Variants in CDC7 observed in about 807,000 individuals in gnomAD.
The protein encoded by CDC7 is cell division cycle 7, also known as cell division cycle 7-related protein kinase.
Under a neutral mutation model 53.5 loss-of-function variants are expected in CDC7, and 34 were observed. That is an observed-to-expected ratio of 0.64 (90% CI 0.48 to 0.85). The LOEUF (loss-of-function observed/expected upper bound fraction) is 0.85. Ranked by LOEUF, CDC7 falls within the 40% of genes least tolerant of loss-of-function variation. The pLI, the probability that CDC7 is intolerant of heterozygous loss-of-function variation, is 0.00. For missense variants in CDC7, 594 were observed against 679.7 expected, an observed-to-expected ratio of 0.87 and a Z score of 1.40; for synonymous variants, 211 against 222.8, an observed-to-expected ratio of 0.95 and a Z score of 0.47.
chr1:91,517,932 C>A (rs1005479105), intron 10 of CDC7, among the ~76,000 whole-genome samples: 1 of 151,598 alleles, frequency 6.6e-6, no homozygotes, highest in Non-Finnish European at 1.5e-5. Flanking sequence ...CCCGTCTCTA[C>A]TAAAAAGTAC....
chr1:91,522,513 A>G (rs1668012990), intron 11 of CDC7, among the ~76,000 whole-genome samples: 1 of 152,200 alleles, frequency 6.6e-6, no homozygotes, highest in African/African-American at 2.4e-5. Flanking sequence ...ATGTTGACTG[A>G]TAGTGTTACT....
At chr1:91,515,750 A>G in intron 9 of CDC7, 44 bp from the exon 10 acceptor site, 1 of 1,607,730 alleles carries the variant, frequency 6.2e-7, no homozygotes, top group Non-Finnish European at 8.5e-7. Flanking sequence ...AGACTTACAT[A>G]GTTCAACTTT....
chr1:91,521,712 C>T lies in CDC7; in HGVS notation c.1330+1433C>T, dbSNP rs577097470. ...CATGAAGTTTATCAGCCAATACCAA[C>T]ATATTTTATTGAAGAGCTTGAATCT... On this transcript the variant is annotated intron_variant, in intron 11 of 11. Transcript: ENST00000234626. Among the ~76,000 whole-genome samples, 12 of 152,228 alleles carry T rather than the reference C, an allele frequency of 7.9e-5. 1 individual carries two copies. The East Asian group carries it at 2.3e-3, about 29-fold the overall frequency.
chr1:91,517,583 T>G (rs1169616248), intron 10 of CDC7, among the ~76,000 whole-genome samples: 3 of 152,132 alleles, frequency 2.0e-5, no homozygotes, highest in Non-Finnish European at 4.4e-5. Context: ...AATAGAGATT[T>G]CCAGCAGAAT....
Position 91,511,691 on chromosome 1 carries a change from G to A in CDC7, c.429+1G>A. ...ATATCTGGAGCATGAGTCGTTTTTG[G>A]TAGGTTTTAATATTTCTTGAATTTT... On this transcript the variant is annotated splice_donor_variant, in intron 5 of 11. Transcript: ENST00000234626. LOFTEE classifies it high-confidence loss of function. The A allele has an allele frequency of 6.2e-7, 1 of 1,605,256 alleles. No individual in the cohort carries two copies. The highest frequency in any genetic ancestry group is 8.5e-7 in the Non-Finnish European group (1 of 1,173,542).
intron 4 of CDC7, among the ~76,000 whole-genome samples, chr1:91,508,811 A>G (rs1054246919): frequency 6.6e-6 from 1 of 152,170 alleles, no homozygotes; most frequent in Non-Finnish European, 1.5e-5. Context: ...CTGTCAACAT[A>G]TGGACATGAT....
chr1:91,505,117 G>C (rs1354589493), intron 2 of CDC7, among the ~76,000 whole-genome samples: 1 of 152,152 alleles, frequency 6.6e-6, no homozygotes, highest in Non-Finnish European at 1.5e-5. Context: ...GGTGGTGAAG[G>C]AGTGACCTGT....
At chr1:91,520,358 AT>A (rs1172076047) in intron 11 of CDC7, 79 bp downstream of exon 11, 6 of 1,187,838 alleles carry the variant, frequency 5.1e-6, no homozygotes, top group Non-Finnish European at 6.9e-6. Flanking sequence ...TTATTGTGAA[AT>A]TTTCTTTACA....
rs560542898 is a variant in CDC7 at position 91,513,187 on chromosome 1, C to T, written c.702C>T (p.Asn234=). The stretch of plus-strand genomic sequence containing the variant: ...ACAAATCCCACATAATCACAGGAAA[C>T]AAGATTCCACTGAGTGGCCCAGTAC... ...SQNKSHIITG[N]KIPLSGPVPK... is the part of the protein sequence containing the mutation. Residue 234 remains asparagine, a synonymous_variant, in exon 7 of 12, where the codon AAC becomes AAT. Transcript: ENST00000234626. The T allele has an allele frequency of 1.2e-6, 2 of 1,613,808 alleles. No individual in the cohort carries two copies. Among genetic ancestry groups the T allele is most frequent in the African/African-American group, 1.3e-5 (1 of 75,002 alleles).
Position 91,525,086 on chromosome 1 carries a change from C to T in CDC7, c.*651C>T, listed in dbSNP as rs991153669. 17 of 152,096 alleles carry T rather than the reference C, an allele frequency of 1.1e-4. No homozygotes were observed. The highest frequency in any genetic ancestry group is 4.1e-4 in the African/African-American group (17 of 41,414). The allele number at this position is 152,096 out of a possible 1,614,324, so 9.4% of individuals were successfully genotyped here. On this transcript the variant is annotated 3_prime_UTR_variant, in exon 12 of 12. Transcript: ENST00000234626. ...TCTCAATTTTCTTCCTTCTCTGCCC[C>T]TACCTAAAACATTCTCCTCGGAAAT... is the stretch of plus-strand genomic sequence containing the variant.
chr1:91,501,644 A>G lies in CDC7; in HGVS notation c.-63-10A>G, dbSNP rs1666686022. On this transcript the variant is annotated splice_polypyrimidine_tract_variant and intron_variant, in intron 1 of 11. Coordinates refer to ENST00000234626, the MANE Select transcript of CDC7 (RefSeq NM_003503.4). ...TGATCTAAATTTCTCTAGTGTTCTA[A>G]TTTTCACAGCTGCTTTGCTCCCCCT... is the stretch of plus-strand genomic sequence containing the variant. The G allele has an allele frequency of 9.2e-7, 1 of 1,085,776 alleles. No homozygotes were observed. The allele number at this position is 1,085,776 out of a possible 1,614,324, so 67.3% of individuals were successfully genotyped here. A position where few individuals can be genotyped will look rare whatever the true frequency, so the allele number is the denominator to read the frequency against.
chr1:91,512,062 A>T, intron 6 of CDC7, 139 bp downstream of exon 6: 1 of 641,192 alleles, frequency 1.6e-6, no homozygotes. Flanking sequence ...TATCTCAGTT[A>T]CCCATCTTAT....
At chr1:91,521,979 A>G (rs887916520) in intron 11 of CDC7, among the ~76,000 whole-genome samples, 1 of 152,078 alleles carries the variant, frequency 6.6e-6, no homozygotes, top group Non-Finnish European at 1.5e-5. Context: ...ATCCTGGCCA[A>G]CGTGGTGAAA....
At chr1:91,509,347 A>G (rs1436644306) in intron 4 of CDC7, among the ~76,000 whole-genome samples, 5 of 151,590 alleles carry the variant, frequency 3.3e-5, no homozygotes, top group Non-Finnish European at 7.4e-5. Flanking sequence ...CAAACCTAAA[A>G]GACAAACCTA....
chr1:91,523,894 C>CTGTGTGTGTG (rs56282166), intron 11 of CDC7, 147 bp from the exon 12 acceptor site: 1 of 555,740 alleles, frequency 1.8e-6, no homozygotes, highest in East Asian at 2.9e-5. Context: ...CTATCTCATA[C>CTGTGTGTGTG]TGTGTGTGTG....
In CDC7 at chr1:91,500,888, A is replaced by C. The variant is rs13447455; in HGVS notation, c.-124A>C. On this transcript the variant is annotated 5_prime_UTR_variant, in exon 1 of 12. Transcript: ENST00000234626. ...CATCCGATCGACTCGGTAGGTGGGG[A>C]TCTCTTGGAGACGGCGACCCAGGCA... The C allele has an allele frequency of 6.6e-6, 1 of 152,066 alleles. No homozygotes were observed. Among genetic ancestry groups the C allele is most frequent in the African/African-American group, 2.4e-5 (1 of 41,412 alleles). 9.4% of individuals were successfully genotyped at this position (152,066 alleles called of 1,614,324 possible). A position where few individuals can be genotyped will look rare whatever the true frequency, so the allele number is the denominator to read the frequency against.
chr1:91,523,699 T>C (rs1309346077), intron 11 of CDC7, among the ~76,000 whole-genome samples: 2 of 151,902 alleles, frequency 1.3e-5, no homozygotes, highest in African/African-American at 4.8e-5. Context: ...GGAAAGGAAG[T>C]AGAGTGGGGG....
Position 91,507,911 on chromosome 1 carries a change from T to G in CDC7, c.173T>G (p.Phe58Cys). Residue 58 changes from phenylalanine to cysteine, a missense_variant, in exon 3 of 12, where the codon TTT (phenylalanine) becomes TGT (cysteine). Physicochemically the swap from Phe to Cys is radical, Grantham distance 205 (BLOSUM62 -2). Coordinates refer to ENST00000234626, the MANE Select transcript of CDC7 (RefSeq NM_003503.4). Reference protein sequence around the residue: ...YEAVPQLSNVFKIEDKIGEGT... With the variant: ...YEAVPQLSNVCKIEDKIGEGT... ...GCTGTACCACAGCTTAGTAATGTGT[T>G]TAAGATTGAGGACAAAATTGGAGAA... The G allele has an allele frequency of 2.6e-6, 4 of 1,554,838 alleles. No individual in the cohort carries two copies. The highest frequency in any genetic ancestry group is 3.5e-6 in the Non-Finnish European group (4 of 1,143,884).
At chr1:91,506,907 A>G (rs945053067) in intron 2 of CDC7, among the ~76,000 whole-genome samples, 1 of 152,180 alleles carries the variant, frequency 6.6e-6, no homozygotes, top group Non-Finnish European at 1.5e-5. Flanking sequence ...TGGAGATTAC[A>G]TCACTGCACT....
Sources: gnomAD v4.1 joint callset for allele counts (sites outside exome capture counted in the v4.1 genomes callset) on GRCh38, gnomAD v4.1.1 for gene constraint, MANE v1.5 for transcripts, NCBI Gene and HGNC (gene_info 2026-07-23, HGNC 2026-07-21) for gene names.